SCN8A: variants seen among roughly 807,000 people sequenced by gnomAD.
SCN8A encodes sodium voltage-gated channel alpha subunit 8, also known as sodium channel protein type 8 subunit alpha.
In SCN8A, 30 loss-of-function variants were observed where a neutral mutation model predicts 184.1. The ratio of observed to expected loss-of-function variants is 0.16; its 90% CI spans 0.12 to 0.22. SCN8A has a LOEUF of 0.22. SCN8A is among the 10% of genes least tolerant of loss of function. The pLI is 1.00. For missense variants in SCN8A, 1,057 were observed against 2,498.9 expected (o/e 0.42, Z 12.30); for synonymous variants, 852 against 907.0 (o/e 0.94, Z 1.09).
At chr12:51,618,966 A>G (rs1436696962) in intron 1 of SCN8A, among the ~76,000 whole-genome samples, 1 of 152,170 alleles carries the variant, frequency 6.6e-6, no homozygotes, top group Admixed American at 6.6e-5. Context: ...TGTAAAGGGA[A>G]CAAAGTAAGA....
At chr12:51,624,337 TTGATTTGCATTTTTCTGATGGCCAGTGA>T in intron 1 of SCN8A, among the ~76,000 whole-genome samples, 1 of 152,354 alleles carries the variant, frequency 6.6e-6, no homozygotes, top group South Asian at 2.1e-4. Context: ...CACTGTGGTT[TTGATTTGCATTTTTCTGATGGCCAGTGA>T]TGATGAGCAT....
chr12:51,808,357 C>T lies in SCN8A; in HGVS notation c.*928C>T, dbSNP rs1321588158. On this transcript the variant is annotated 3_prime_UTR_variant, in exon 27 of 27. Transcript: ENST00000627620. ...ATCCAACAAGCAGATGGATCCGTTG[C>T]GTGTATATGTTTAACAGACATCTCT... The T allele has an allele frequency of 6.6e-6, 1 of 152,504 alleles. No homozygotes were observed. Among genetic ancestry groups the T allele is most frequent in the South Asian group, 2.1e-4 (1 of 4,824 alleles). 9.4% of individuals were successfully genotyped at this position (152,504 alleles called of 1,614,324 possible). A position where few individuals can be genotyped will look rare whatever the true frequency, so the allele number is the denominator to read the frequency against.
At chr12:51,675,186 A>C (rs1941202467) in intron 2 of SCN8A, among the ~76,000 whole-genome samples, 1 of 152,222 alleles carries the variant, frequency 6.6e-6, no homozygotes, top group Non-Finnish European at 1.5e-5. Flanking sequence ...GAGGAGGGTC[A>C]GACCTGCCCT....
chr12:51,780,140 A>G (rs2138890348), intron 20 of SCN8A: 5 of 428,680 alleles, frequency 1.2e-5, no homozygotes, highest in South Asian at 6.7e-5. Context: ...CCAATGGTGA[A>G]TGAGCTGAGG....
At chr12:51,687,931 G>A (rs1281121730) in intron 5 of SCN8A, among the ~76,000 whole-genome samples, 2 of 152,170 alleles carry the variant, frequency 1.3e-5, no homozygotes, top group Admixed American at 1.3e-4. Context: ...TGGTGTATAG[G>A]TTTTGCATGT....
chr12:51,672,815 T>C (rs1417838833), intron 2 of SCN8A, among the ~76,000 whole-genome samples: 1 of 152,216 alleles, frequency 6.6e-6, no homozygotes, highest in African/African-American at 2.4e-5. Context: ...GGATTGCCAG[T>C]ACTAGGGATA....
intron 1 of SCN8A, among the ~76,000 whole-genome samples, chr12:51,636,633 T>C (rs888351552): frequency 2.0e-5 from 3 of 152,238 alleles, no homozygotes; most frequent in Non-Finnish European, 2.9e-5. Flanking sequence ...ATTTAAGAGA[T>C]ATTAAAATCA....
chr12:51,745,335 T>A (rs986953491), intron 12 of SCN8A, among the ~76,000 whole-genome samples: 5 of 152,164 alleles, frequency 3.3e-5, no homozygotes, highest in African/African-American at 9.7e-5. Flanking sequence ...TTGTAGGAGA[T>A]CTGGAGCAGA....
intron 1 of SCN8A, among the ~76,000 whole-genome samples, chr12:51,602,541 A>G (rs970374077): frequency 1.3e-5 from 2 of 152,216 alleles, no homozygotes; most frequent in African/African-American, 4.8e-5. Flanking sequence ...TAATGGTTGT[A>G]CCACAATGCA....
chr12:51,634,716 G>A (rs1940277627), intron 1 of SCN8A, among the ~76,000 whole-genome samples: 7 of 146,436 alleles, frequency 4.8e-5, no homozygotes, highest in Admixed American at 4.2e-4. Context: ...TGGCGCAATC[G>A]TAGCTCACTG....
intron 1 of SCN8A, among the ~76,000 whole-genome samples, chr12:51,658,627 G>A (rs1239538574): frequency 6.6e-6 from 1 of 152,132 alleles, no homozygotes; most frequent in Non-Finnish European, 1.5e-5. Flanking sequence ...TCAGTAGAGA[G>A]AGAATGAAGA....
intron 14 of SCN8A, among the ~76,000 whole-genome samples, chr12:51,754,404 A>T (rs58380717): frequency 0.02 from 3,087 of 151,844 alleles, 98 homozygotes; most frequent in African/African-American, 0.068. Context: ...TTTTTTATAC[A>T]CAAGTACATT....
chr12:51,687,035 G>C, intron 4 of SCN8A, 56 bp from the exon 5 acceptor site: 1 of 1,594,246 alleles, frequency 6.3e-7, no homozygotes, highest in East Asian at 2.2e-5. Flanking sequence ...TAACTTAAAA[G>C]GTTCATTTAA....
intron 16 of SCN8A, chr12:51,766,253 A>G: frequency 3.5e-6 from 2 of 571,226 alleles, no homozygotes; most frequent in East Asian, 5.8e-5. Flanking sequence ...CCCTTTTCCT[A>G]GAGTTAGGAA....
At chr12:51,641,116 C>T (rs1333616493) in intron 1 of SCN8A, among the ~76,000 whole-genome samples, 1 of 152,160 alleles carries the variant, frequency 6.6e-6, no homozygotes, top group Non-Finnish European at 1.5e-5. Flanking sequence ...AAACAGTAAA[C>T]ATAACAGTAA....
chr12:51,760,527 C>A (rs906106260), intron 14 of SCN8A, among the ~76,000 whole-genome samples: 6 of 152,176 alleles, frequency 3.9e-5, no homozygotes, highest in Non-Finnish European at 8.8e-5. Flanking sequence ...ATGAGCACTT[C>A]CTGTGTGTTT....
At chr12:51,606,475 G>A (rs1474616591) in intron 1 of SCN8A, among the ~76,000 whole-genome samples, 1 of 152,192 alleles carries the variant, frequency 6.6e-6, no homozygotes, top group African/African-American at 2.4e-5. Context: ...GTACCACACT[G>A]TTTTGGTGAC....
intron 26 of SCN8A, among the ~76,000 whole-genome samples, chr12:51,799,077 C>T (rs574858466): frequency 2.0e-5 from 3 of 152,304 alleles, no homozygotes; most frequent in Non-Finnish European, 4.4e-5. Flanking sequence ...GTGGTGCCTG[C>T]ATTTCGTGCA....
chr12:51,604,972 G>GT (rs1939554987), intron 1 of SCN8A, among the ~76,000 whole-genome samples: 1 of 152,110 alleles, frequency 6.6e-6, no homozygotes, highest in Non-Finnish European at 1.5e-5. Flanking sequence ...CCTGATGGGT[G>GT]TTTTTTTGTT....
Sources: allele counts gnomAD v4.1 joint callset (sites outside exome capture counted in the v4.1 genomes callset), GRCh38; gene constraint gnomAD v4.1.1; transcripts MANE v1.5; gene names NCBI Gene and HGNC (gene_info 2026-07-23, HGNC 2026-07-21).